TYW2: variants seen among roughly 807,000 people sequenced by gnomAD.
TYW2 encodes tRNA wybutosine-synthesizing protein 2.
the TYW2 span, chr8:124,451,132 C>G: frequency 4.5e-5 from 72 of 1,614,070 alleles, no homozygotes; most frequent in Non-Finnish European, 8.5e-7. Flanking sequence ...GCTTCCAGAG[C>G]AGCACCTGCA....
the TYW2 span, chr8:124,450,896 C>A: frequency 2.5e-6 from 4 of 1,579,626 alleles, no homozygotes; most frequent in African/African-American, 5.4e-5. Flanking sequence ...CCTGGTGAGC[C>A]GACTCTGAGG....
chr8:124,452,287 C>T, the TYW2 span: 1 of 1,609,154 alleles, frequency 6.2e-7, no homozygotes, highest in Non-Finnish European at 8.5e-7. Context: ...GAGGTAGATC[C>T]TGGGACACAT....
chr8:124,452,071 A>G, the TYW2 span: 2 of 1,614,258 alleles, frequency 1.2e-6, no homozygotes, highest in South Asian at 2.2e-5. Context: ...TTCTAGGGGA[A>G]AAATGCTGTC....
At chr8:124,452,109 G>T in the TYW2 span, 1 of 1,614,248 alleles carries the variant, frequency 6.2e-7, no homozygotes, top group Non-Finnish European at 8.5e-7. Context: ...AGTGGCAAAG[G>T]TGGGCAGAAT....
chr8:124,451,602 G>A, the TYW2 span: 1 of 1,614,216 alleles, frequency 6.2e-7, no homozygotes, highest in South Asian at 1.1e-5. Context: ...TCACTGAGAA[G>A]CTTCGAGTGG....
chr8:124,450,834 C>G, the TYW2 span: 1 of 1,438,346 alleles, frequency 7.0e-7, no homozygotes, highest in South Asian at 1.4e-5. Context: ...CCGGCACCGG[C>G]ATGGCCGGGT....
At chr8:124,450,841 G>C in the TYW2 span, 5 of 1,472,330 alleles carry the variant, frequency 3.4e-6, no homozygotes, top group Non-Finnish European at 1.8e-6. Flanking sequence ...CGGCATGGCC[G>C]GGTGAGCTGC....
At chr8:124,452,424 T>C in the TYW2 span, 1 of 723,180 alleles carries the variant, frequency 1.4e-6, no homozygotes, top group South Asian at 2.3e-5. Context: ...CAATTCAAAT[T>C]ATTTCATTTG....
chr8:124,452,974 T>G, the TYW2 span: 1 of 166,978 alleles, frequency 6.0e-6, no homozygotes, highest in Non-Finnish European at 1.5e-5. Context: ...ACTGTGGCAT[T>G]CCTAAATGAT....
the TYW2 span, chr8:124,452,155 G>C: frequency 6.2e-7 from 1 of 1,614,206 alleles, no homozygotes; most frequent in Non-Finnish European, 8.5e-7. Flanking sequence ...TCTTCAGCAG[G>C]TGCATGGGAA....
the TYW2 span, chr8:124,452,686 A>G: frequency 2.8e-5 from 5 of 177,090 alleles, no homozygotes; most frequent in Non-Finnish European, 6.7e-5. Context: ...GCTTTTTCCA[A>G]ATTGCTCTGG....
the TYW2 span, chr8:124,451,556 T>C: frequency 6.2e-7 from 1 of 1,614,178 alleles, no homozygotes; most frequent in African/African-American, 1.3e-5. Context: ...CGTTATAAGT[T>C]TGACGTGACC....
the TYW2 span, chr8:124,451,280 G>C: frequency 6.2e-7 from 1 of 1,614,134 alleles, no homozygotes; most frequent in Non-Finnish European, 8.5e-7. Flanking sequence ...GTGGAGGGTC[G>C]GGGAGTCAAG....
At chr8:124,451,828 A>G in the TYW2 span, 2 of 1,614,088 alleles carry the variant, frequency 1.2e-6, no homozygotes, top group South Asian at 1.1e-5. Context: ...GAAGCTCTCA[A>G]ATATTGCAGA....
At chr8:124,452,046 T>C in the TYW2 span, 1 of 1,614,084 alleles carries the variant, frequency 6.2e-7, no homozygotes, top group South Asian at 1.1e-5. Context: ...AATGGAAAAA[T>C]GGAGCTACCA....
At chr8:124,451,982 T>C in the TYW2 span, 1 of 1,613,958 alleles carries the variant, frequency 6.2e-7, no homozygotes, top group Non-Finnish European at 8.5e-7. Flanking sequence ...GCTCTTGGAG[T>C]CAGCAAAGTA....
the TYW2 span, chr8:124,451,177 T>C: frequency 6.2e-7 from 1 of 1,614,118 alleles, no homozygotes; most frequent in South Asian, 1.1e-5. Context: ...AGGCAGTCCC[T>C]GTATGCTCAC....
At chr8:124,451,011 G>A in the TYW2 span, 2 of 1,614,034 alleles carry the variant, frequency 1.2e-6, no homozygotes, top group East Asian at 2.2e-5. Flanking sequence ...CTGAGCCTTG[G>A]TTTACCCAGC....
the TYW2 span, chr8:124,451,543 A>G: frequency 1.2e-6 from 2 of 1,614,080 alleles, no homozygotes; most frequent in Admixed American, 1.7e-5. Flanking sequence ...GGATAATGGT[A>G]TCCGTTATAA....
Sources: allele counts gnomAD v4.1 joint callset, GRCh38; gene constraint gnomAD v4.1.1; transcripts MANE v1.5; gene names NCBI Gene and HGNC (gene_info 2026-07-23, HGNC 2026-07-21).